Variants in NTNG1 observed in about 807,000 individuals in gnomAD.
The protein encoded by NTNG1 is netrin G1.
NTNG1 carries 16 observed loss-of-function variants against 54.0 expected under a neutral mutation model. That is an observed-to-expected ratio of 0.30 (90% CI 0.20 to 0.45). The LOEUF is 0.45. NTNG1 is among the 20% of genes least tolerant of loss of function. The pLI, the probability that NTNG1 is intolerant of heterozygous loss-of-function variation, is 1.00. For missense variants in NTNG1, 530 were observed against 678.7 expected (o/e 0.78, Z 2.43); for synonymous variants, 255 against 263.1 (o/e 0.97, Z 0.30).
intron 2 of NTNG1, among the ~76,000 whole-genome samples, chr1:107,168,662 T>A (rs1260334413): frequency 1.3e-5 from 2 of 152,142 alleles, no homozygotes; most frequent in African/African-American, 4.8e-5. Flanking sequence ...AATAAGCACA[T>A]TGTATTATAT....
intron 2 of NTNG1, among the ~76,000 whole-genome samples, chr1:107,194,670 T>A (rs575545476): frequency 2.2e-4 from 33 of 152,174 alleles, no homozygotes; most frequent in Admixed American, 5.9e-4. Context: ...GTAGACACTG[T>A]TAAGTCTTCA....
At chr1:107,451,615 ATGT>A (rs1676633789) in intron 7 of NTNG1, among the ~76,000 whole-genome samples, 1 of 152,120 alleles carries the variant, frequency 6.6e-6, no homozygotes, top group Non-Finnish European at 1.5e-5. Flanking sequence ...TTTGACATGA[ATGT>A]ATTAGTCGTT....
intron 3 of NTNG1, among the ~76,000 whole-genome samples, chr1:107,385,169 G>A (rs1247959876): frequency 2.0e-5 from 3 of 152,296 alleles, no homozygotes; most frequent in Middle Eastern, 6.8e-3. Flanking sequence ...GATATCAGTT[G>A]TGGGAAGACA....
At chr1:107,480,351 C>G (rs1039169635) in intron 7 of NTNG1, among the ~76,000 whole-genome samples, 6 of 152,020 alleles carry the variant, frequency 3.9e-5, no homozygotes, top group Non-Finnish European at 7.4e-5. Flanking sequence ...TATTCTATAG[C>G]CTGAAATGGA....
chr1:107,438,161 G>A (rs1675729284), intron 7 of NTNG1, among the ~76,000 whole-genome samples: 1 of 152,084 alleles, frequency 6.6e-6, no homozygotes, highest in Non-Finnish European at 1.5e-5. Context: ...ACACTTCTAA[G>A]TAATATAACT....
intron 4 of NTNG1, among the ~76,000 whole-genome samples, chr1:107,401,041 T>C (rs2101114187): frequency 6.6e-6 from 1 of 152,316 alleles, no homozygotes; most frequent in African/African-American, 2.4e-5. Flanking sequence ...GATATTCTTG[T>C]ATCTCCTGGA....
chr1:107,297,989 G>A (rs557951900), intron 2 of NTNG1, among the ~76,000 whole-genome samples: 1 of 152,148 alleles, frequency 6.6e-6, no homozygotes, highest in South Asian at 2.1e-4. Context: ...AAGCAGACCT[G>A]ACATTGCAGA....
At chr1:107,419,789 C>T (rs1462852955) in intron 5 of NTNG1, among the ~76,000 whole-genome samples, 1 of 151,870 alleles carries the variant, frequency 6.6e-6, no homozygotes, top group Non-Finnish European at 1.5e-5. Context: ...GTTGAGGAGT[C>T]AAATTGGAAG....
At chr1:107,417,377 CTT>C (rs1422738631) in intron 5 of NTNG1, among the ~76,000 whole-genome samples, 2 of 152,050 alleles carry the variant, frequency 1.3e-5, no homozygotes, top group African/African-American at 4.8e-5. Flanking sequence ...GTGCAAGTCT[CTT>C]GTCTTGGAAG....
chr1:107,150,373 T>A (rs990423306), intron 2 of NTNG1, among the ~76,000 whole-genome samples: 2 of 152,132 alleles, frequency 1.3e-5, no homozygotes, highest in Non-Finnish European at 2.9e-5. Flanking sequence ...TAATTTCTCA[T>A]GAAAGGTCAA....
At chr1:107,477,426 C>G (rs1678401849) in intron 7 of NTNG1, among the ~76,000 whole-genome samples, 1 of 152,244 alleles carries the variant, frequency 6.6e-6, no homozygotes, top group South Asian at 2.1e-4. Flanking sequence ...TCTGCTCCCT[C>G]TAGTGCCCCC....
At chr1:107,458,842 T>C (rs565861226) in intron 7 of NTNG1, among the ~76,000 whole-genome samples, 23 of 152,314 alleles carry the variant, frequency 1.5e-4, no homozygotes, top group African/African-American at 5.5e-4. Flanking sequence ...TTTCTGTATC[T>C]GGTGTCCTAT....
intron 3 of NTNG1, among the ~76,000 whole-genome samples, chr1:107,332,207 A>G (rs1156465137): frequency 1.3e-5 from 2 of 152,248 alleles, no homozygotes; most frequent in African/African-American, 4.8e-5. Flanking sequence ...GAGAGAATGT[A>G]TCTAATAATT....
At chr1:107,247,993 T>C (rs913455400) in intron 2 of NTNG1, among the ~76,000 whole-genome samples, 6 of 152,214 alleles carry the variant, frequency 3.9e-5, no homozygotes, top group African/African-American at 9.6e-5. Context: ...AGAGTTCCCA[T>C]AGAACTAGGA....
intron 2 of NTNG1, among the ~76,000 whole-genome samples, chr1:107,229,912 T>C (rs1363034275): frequency 2.6e-5 from 4 of 151,938 alleles, no homozygotes; most frequent in South Asian, 2.1e-4. Context: ...CTGAGCAGAG[T>C]TGCTCTGCTT....
At chr1:107,339,011 T>C (rs1668752939) in intron 3 of NTNG1, among the ~76,000 whole-genome samples, 1 of 152,020 alleles carries the variant, frequency 6.6e-6, no homozygotes, top group South Asian at 2.1e-4. Flanking sequence ...ATAGAGCTCT[T>C]TAACAGCATA....
chr1:107,213,919 T>A (rs893304747), intron 2 of NTNG1, among the ~76,000 whole-genome samples: 2 of 152,156 alleles, frequency 1.3e-5, no homozygotes, highest in Non-Finnish European at 2.9e-5. Context: ...ATTTTATTGC[T>A]TTTTGCATTT....
intron 2 of NTNG1, among the ~76,000 whole-genome samples, chr1:107,257,421 T>C (rs2101638187): frequency 6.6e-6 from 1 of 152,364 alleles, no homozygotes; most frequent in East Asian, 1.9e-4. Flanking sequence ...AAGAATGCCT[T>C]TCATCTCTTT....
chr1:107,422,721 G>A (rs780682137), intron 5 of NTNG1, among the ~76,000 whole-genome samples: 14 of 151,950 alleles, frequency 9.2e-5, no homozygotes, highest in South Asian at 6.2e-4. Flanking sequence ...CACCTTTGAG[G>A]TCTTTTTCTC....
Sources: allele counts gnomAD v4.1 joint callset (sites outside exome capture counted in the v4.1 genomes callset), GRCh38; gene constraint gnomAD v4.1.1; transcripts MANE v1.5; gene names NCBI Gene and HGNC (gene_info 2026-07-23, HGNC 2026-07-21).